Variants in PDXDC1 observed in about 807,000 individuals in gnomAD.
PDXDC1 encodes the protein pyridoxal dependent decarboxylase domain containing 1.
PDXDC1 carries 42 observed loss-of-function variants against 100.1 expected under a neutral mutation model. That is an observed-to-expected ratio of 0.42 (90% CI 0.33 to 0.54). The LOEUF is 0.54. PDXDC1 is among the 20% of genes least tolerant of loss of function. PDXDC1 has a pLI of 0.10. For missense variants in PDXDC1, 636 were observed against 979.2 expected (o/e 0.65, Z 4.68); for synonymous variants, 260 against 371.7 (o/e 0.70, Z 3.46).
At chr16:14,984,307 A>AC (rs1968718873) in intron 1 of PDXDC1, among the ~76,000 whole-genome samples, 1 of 90,214 alleles carries the variant, frequency 1.1e-5, no homozygotes, top group Admixed American at 1.3e-4. Context: ...CCATCCCTGC[A>AC]CCCCCGCCTT....
In PDXDC1 at chr16:15,104,787, A is replaced by C. The variant is rs779939487; in HGVS notation, c.1400-34092A>C. The C allele has an allele frequency of 7.6e-6, 12 of 1,574,534 alleles. No homozygotes were observed. The Admixed American group carries it at 1.8e-4, about 23-fold the overall frequency. On this transcript the variant is annotated intron_variant, in intron 16 of 16. Coordinates refer to the PDXDC1 transcript ENST00000535621. ...TAGGGCCAAAGGAGGGAATGTTTTC[A>C]CACATATTCATTTGATGGACAAAAT...
chr16:15,082,452 C>T (rs1173871943), intron 16 of PDXDC1, among the ~76,000 whole-genome samples: 4 of 151,942 alleles, frequency 2.6e-5, no homozygotes, highest in Non-Finnish European at 4.4e-5. Flanking sequence ...ACGGGTAGAT[C>T]GCTTGAGGTC....
At chr16:15,050,208 GTTAT>G (rs796309177) in intron 16 of PDXDC1, among the ~76,000 whole-genome samples, 111 of 152,264 alleles carry the variant, frequency 7.3e-4, no homozygotes, top group African/African-American at 2.3e-3. Flanking sequence ...AAATTCAGTG[GTTAT>G]TTAACAAAAA....
chr16:15,133,291 C>T lies in PDXDC1; in HGVS notation c.1400-5588C>T, dbSNP rs140432980. The stretch of plus-strand genomic sequence containing the variant: ...CGTTCAGGACGGTGACCAGGGCCAG[C>T]GAGTACTCGATGACGTGCTGGGGAT... On this transcript the variant is annotated intron_variant, in intron 16 of 16. Coordinates refer to the PDXDC1 transcript ENST00000535621. The T allele has an allele frequency of 1.8e-3, 2,899 of 1,577,964 alleles. 64 individuals carry two copies. The African/African-American group carries it at 0.033, about 18-fold the overall frequency.
At chr16:15,126,958 C>G (rs997715771) in intron 16 of PDXDC1, 3 of 276,490 alleles carry the variant, frequency 1.1e-5, no homozygotes, top group Admixed American at 5.0e-5. Flanking sequence ...GTGCCTGGTC[C>G]TTTTTAATGT....
At chr16:14,975,314 C>T (rs1966637109) in intron 1 of PDXDC1, 94 bp downstream of exon 1, 7 of 1,369,930 alleles carry the variant, frequency 5.1e-6, no homozygotes, top group East Asian at 3.0e-5. Context: ...GCCATTGTGA[C>T]CCGGACAGGG....
chr16:15,039,880 A>G, downstream of PDXDC1: 4 of 740,184 alleles, frequency 5.4e-6, no homozygotes, highest in Non-Finnish European at 9.4e-6. Flanking sequence ...CTGACAGCAT[A>G]AACTTTTCTA....
the PDXDC1 span, among the ~76,000 whole-genome samples, chr16:15,147,266 G>A: frequency 2.0e-5 from 3 of 152,170 alleles, no homozygotes; most frequent in African/African-American, 4.8e-5. Flanking sequence ...ACTCGGAAGC[G>A]CCACTGCCAC....
chr16:15,085,172 G>A (rs1240348030), intron 16 of PDXDC1, among the ~76,000 whole-genome samples: 1 of 152,162 alleles, frequency 6.6e-6, no homozygotes, highest in East Asian at 1.9e-4. Flanking sequence ...TTCTCCACCA[G>A]CATCAACGAA....
chr16:15,131,335 G>A (rs2048047575), intron 16 of PDXDC1: 3 of 1,562,054 alleles, frequency 1.9e-6, no homozygotes, highest in Non-Finnish European at 1.7e-6. Context: ...CACCTTGGTG[G>A]AGACGGTGTA....
the PDXDC1 span, among the ~76,000 whole-genome samples, chr16:15,146,847 A>T: frequency 1.3e-5 from 2 of 151,930 alleles, no homozygotes; most frequent in African/African-American, 2.4e-5. Flanking sequence ...CCAGTGGCTG[A>T]GCCAGGTCAC....
chr16:15,074,876 A>G (rs1567201367), intron 16 of PDXDC1: 1 of 1,598,586 alleles, frequency 6.3e-7, no homozygotes, highest in South Asian at 1.1e-5. Context: ...GAAGACAAAA[A>G]GTAAATACTA....
chr16:15,129,577 C>T (rs533250393), intron 16 of PDXDC1, among the ~76,000 whole-genome samples: 52 of 152,360 alleles, frequency 3.4e-4, no homozygotes, highest in Admixed American at 2.0e-3. Context: ...GTCAGGATCG[C>T]GGGTGGATGC....
At chr16:15,137,485 C>T in intron 16 of PDXDC1, 2 of 1,126,936 alleles carry the variant, frequency 1.8e-6, no homozygotes, top group Non-Finnish European at 1.3e-6. Context: ...CTGAAAAGGA[C>T]ACTGCTGCCA....
At chr16:15,082,122 C>T (rs2045730802) in intron 16 of PDXDC1, among the ~76,000 whole-genome samples, 1 of 152,154 alleles carries the variant, frequency 6.6e-6, no homozygotes, top group African/African-American at 2.4e-5. Context: ...ACTGCCTTGG[C>T]TAGACAAGCA....
the PDXDC1 span, among the ~76,000 whole-genome samples, chr16:15,150,187 AC>A: frequency 6.6e-6 from 1 of 151,864 alleles, no homozygotes; most frequent in Non-Finnish European, 1.5e-5. Flanking sequence ...TACTAAAAAT[AC>A]AAAAAATTAG....
intron 16 of PDXDC1, among the ~76,000 whole-genome samples, chr16:15,104,957 A>T (rs531503390): frequency 1.1e-3 from 174 of 152,046 alleles, no homozygotes; most frequent in African/African-American, 3.9e-3. Flanking sequence ...AAGAAAAGTC[A>T]CTGGGACACA....
intron 19 of PDXDC1, 23 bp from the exon 20 acceptor site, chr16:15,034,263 T>C (rs2043257550): frequency 6.2e-7 from 1 of 1,608,092 alleles, no homozygotes; most frequent in Admixed American, 1.7e-5. Context: ...AAACAAGTAA[T>C]GTCTTTCTTG....
At chr16:15,094,494 C>T (rs1219897897) in intron 16 of PDXDC1, 1 of 541,456 alleles carries the variant, frequency 1.8e-6, no homozygotes, top group Non-Finnish European at 3.2e-6. Context: ...CCCTGAGGAT[C>T]CCGAAGAAAG....
Sources: gnomAD v4.1 joint callset for allele counts (sites outside exome capture counted in the v4.1 genomes callset) on GRCh38, gnomAD v4.1.1 for gene constraint, MANE v1.5 for transcripts, NCBI Gene and HGNC (gene_info 2026-07-23, HGNC 2026-07-21) for gene names.